FHDC1: variants seen among roughly 807,000 people sequenced by gnomAD.
FHDC1 encodes FH2 domain-containing protein 1.
A neutral mutation model predicts 52.6 loss-of-function variants in FHDC1; 25 were observed. That is an observed-to-expected ratio of 0.48 (90% CI 0.35 to 0.66). The LOEUF is 0.66. Ranked by LOEUF, FHDC1 falls within the 30% of genes least tolerant of loss-of-function variation. The pLI is 0.01. For missense variants in FHDC1, 1,459 were observed against 1,452.8 expected (o/e 1.00, Z -0.07); for synonymous variants, 616 against 581.5 (o/e 1.06, Z -0.85).
chr4:152,934,649 A>G (rs1302157883), upstream of FHDC1, among the ~76,000 whole-genome samples: 3 of 152,184 alleles, frequency 2.0e-5, no homozygotes, highest in Non-Finnish European at 4.4e-5. Flanking sequence ...GGAGATCGAG[A>G]GTTGGAAAAA....
At position 152,975,307 on chromosome 4, in the gene FHDC1, G is replaced by A. The variant is rs774484517; in HGVS notation, c.2016G>A (p.Glu672=). 1.2e-6 allele frequency: 2 copies of A among 1,613,678 alleles called. No individual in the cohort carries two copies. Among genetic ancestry groups the A allele is most frequent in the South Asian group, 1.1e-5 (1 of 91,086 alleles). Residue 672 remains glutamate (E), a synonymous_variant, in exon 12 of 12, where the codon GAG becomes GAA. Transcript: ENST00000511601. ...PLSPLALGIK[E]HELVTGLAQF... ...CGCCATTGGCTCTGGGAATTAAGGA[G>A]CATGAGCTGGTGACAGGGCTGGCCC... is the stretch of plus-strand genomic sequence containing the variant.
At position 152,954,100 on chromosome 4, in the gene FHDC1, A is replaced by C. The variant is rs368100875; in HGVS notation, c.561-117A>C. Reference sequence around the variant, plus strand: ...GAGCACTCACACAAAACTGCCAGCCAGTCTGGGAAGGAGGTGGGTGGGAAG... The same window carrying C: ...GAGCACTCACACAAAACTGCCAGCCCGTCTGGGAAGGAGGTGGGTGGGAAG... On this transcript the variant is annotated intron_variant, in intron 3 of 11. Coordinates refer to ENST00000511601, the MANE Select transcript of FHDC1 (RefSeq NM_001371116.1). 1.3e-4 allele frequency: 106 copies of C among 809,024 alleles called. No individual in the cohort carries two copies. The African/African-American group carries it at 1.5e-3, about 11-fold the overall frequency. 50.1% of individuals were successfully genotyped at this position (809,024 alleles called of 1,614,324 possible).
chr4:152,966,003 A>C (rs770055061), intron 9 of FHDC1, among the ~76,000 whole-genome samples: 1 of 152,236 alleles, frequency 6.6e-6, no homozygotes, highest in Non-Finnish European at 1.5e-5. Flanking sequence ...AGGTGTAAAC[A>C]GTTTATAATT....
At chr4:152,969,846 T>C (rs1445264909) in intron 10 of FHDC1, among the ~76,000 whole-genome samples, 1 of 152,036 alleles carries the variant, frequency 6.6e-6, no homozygotes, top group Non-Finnish European at 1.5e-5. Context: ...ATTTTTTGTA[T>C]TTTTAGTAGC....
intron 1 of FHDC1, among the ~76,000 whole-genome samples, chr4:152,941,065 G>A (rs1382557784): frequency 6.6e-6 from 1 of 152,214 alleles, no homozygotes; most frequent in Non-Finnish European, 1.5e-5. Context: ...TGTACTTAAT[G>A]CCACTAAATT....
chr4:152,951,428 C>T (rs886132749), intron 2 of FHDC1, among the ~76,000 whole-genome samples: 3 of 151,794 alleles, frequency 2.0e-5, no homozygotes, highest in African/African-American at 4.9e-5. Context: ...ATAAGGAGGC[C>T]GCCCTTTCAG....
chr4:152,911,469 T>A, the FHDC1 span: 5 of 152,324 alleles, frequency 3.3e-5, no homozygotes, highest in Admixed American at 2.0e-4. Context: ...CTGTTGGTTT[T>A]GTTTTAATGT....
chr4:152,940,206 G>A (rs1012845699), intron 1 of FHDC1, among the ~76,000 whole-genome samples: 6 of 152,212 alleles, frequency 3.9e-5, no homozygotes, highest in African/African-American at 1.4e-4. Flanking sequence ...TGGAGTAAAG[G>A]TAGTAAAAGC....
chr4:152,951,008 G>A (rs1055309701), intron 2 of FHDC1, among the ~76,000 whole-genome samples: 5 of 152,178 alleles, frequency 3.3e-5, no homozygotes, highest in South Asian at 2.1e-4. Flanking sequence ...CAATGTCTCC[G>A]GATCTAGGCT....
At chr4:152,918,025 A>G in the FHDC1 span, among the ~76,000 whole-genome samples, 21 of 152,194 alleles carry the variant, frequency 1.4e-4, no homozygotes, top group African/African-American at 5.1e-4. Context: ...AGGGAAAGGC[A>G]AGTATTAAAG....
At chr4:152,931,902 A>G (rs1239603828), upstream of FHDC1, among the ~76,000 whole-genome samples, 1 of 139,806 alleles carries the variant, frequency 7.2e-6, no homozygotes, top group Non-Finnish European at 1.5e-5. Context: ...ACGCCACTGT[A>G]CTCCAGCCTG....
intron 9 of FHDC1, among the ~76,000 whole-genome samples, chr4:152,966,511 G>C (rs950687820): frequency 2.0e-5 from 3 of 152,092 alleles, no homozygotes; most frequent in African/African-American, 7.2e-5. Context: ...CCAGGCTGGA[G>C]TTCAGTGGTG....
intron 2 of FHDC1, among the ~76,000 whole-genome samples, chr4:152,947,831 AGAG>A: frequency 6.6e-6 from 1 of 151,908 alleles, no homozygotes; most frequent in Admixed American, 6.6e-5. Context: ...AGAGAGAGAG[AGAG>A]AAGGGAAGGA....
In FHDC1 at chr4:152,975,791, G is replaced by GCCC. The variant is rs1740850224; in HGVS notation, c.2503_2505dup (p.Pro835dup). ...ATCCAGCCCCCCTGGGGAGGCTCCT[G>GCCC]CCCCCGTCTCTGTGGATAGTGAGCC... On this transcript the variant is annotated inframe_insertion, in exon 12 of 12. Transcript: ENST00000511601. The GCCC allele has an allele frequency of 2.6e-6, 4 of 1,539,780 alleles. No homozygotes were observed. The highest frequency in any genetic ancestry group is 3.5e-6 in the Non-Finnish European group (4 of 1,143,592).
the FHDC1 span, among the ~76,000 whole-genome samples, chr4:152,921,877 T>G: frequency 1.3e-5 from 2 of 152,150 alleles, no homozygotes; most frequent in African/African-American, 4.8e-5. Flanking sequence ...GGGAAATTTA[T>G]AGCACTAAAT....
chr4:152,969,354 C>T (rs1256402594), intron 10 of FHDC1, among the ~76,000 whole-genome samples: 1 of 152,184 alleles, frequency 6.6e-6, no homozygotes, highest in Non-Finnish European at 1.5e-5. Flanking sequence ...TAAACATGTG[C>T]TCTGTATTTT....
the FHDC1 span, among the ~76,000 whole-genome samples, chr4:152,914,551 G>A: frequency 1.3e-5 from 2 of 152,118 alleles, no homozygotes; most frequent in Non-Finnish European, 2.9e-5. Context: ...TTTAAACAAC[G>A]GAAACTGTTC....
Position 152,949,145 on chromosome 4 carries a change from G to T in FHDC1, c.499-4354G>T, listed in dbSNP as rs375972784. ...ATAATAAGAAGAAGAAGAAGAAGAA[G>T]AAGAAGAAGAAGAAGAAGAAGAAGA... On this transcript the variant is annotated intron_variant, in intron 2 of 11. Transcript: ENST00000511601. 4.4e-3 allele frequency among the ~76,000 whole-genome samples: 553 copies of T among 127,068 alleles called. 2 individuals carry two copies. The highest frequency in any genetic ancestry group is 0.012 in the African/African-American group (412 of 34,664). The allele number at this position is 127,068 out of a possible 152,430, so 83.4% of individuals were successfully genotyped here.
Position 152,956,276 on chromosome 4 carries a change from C to T in FHDC1, c.663+1957C>T, listed in dbSNP as rs376989572. Among the ~76,000 whole-genome samples, 29 of 152,216 alleles carry T rather than the reference C, an allele frequency of 1.9e-4. No homozygotes were observed. The East Asian group carries it at 1.9e-3, about 10-fold the overall frequency. ...TATACCCACTCCTAATTGACCTCAT[C>T]GTGTTGTTAAGTGAGGATCAGATTT... On this transcript the variant is annotated intron_variant, in intron 4 of 11. Coordinates refer to ENST00000511601, the MANE Select transcript of FHDC1 (RefSeq NM_001371116.1).
Sources: gnomAD v4.1 joint callset for allele counts (sites outside exome capture counted in the v4.1 genomes callset) on GRCh38, gnomAD v4.1.1 for gene constraint, MANE v1.5 for transcripts, NCBI Gene and HGNC (gene_info 2026-07-23, HGNC 2026-07-21) for gene names.